The following ANKRD6 variants were observed in gnomAD, a reference collection of about 807,000 sequenced individuals.
The protein encoded by ANKRD6 is ankyrin repeat domain-containing protein 6.
Under a neutral mutation model 82.3 loss-of-function variants are expected in ANKRD6, and 56 were observed. The ratio of observed to expected loss-of-function variants is 0.68; its 90% CI spans 0.55 to 0.85. ANKRD6 has a LOEUF of 0.85. Ranked by LOEUF, ANKRD6 falls within the 40% of genes least tolerant of loss-of-function variation. The pLI is 0.00. For synonymous variants in ANKRD6, 347 were observed against 352.1 expected (o/e 0.99, Z 0.16); for missense variants, 852 against 907.6 (o/e 0.94, Z 0.79).
chr6:89,500,972 C>CTT lies in ANKRD6; in HGVS notation c.-143-65843_-143-65842dup, dbSNP rs35877637. On this transcript the variant is annotated intron_variant, in intron 1 of 15. Coordinates refer to ENST00000339746, the MANE Select transcript of ANKRD6 (RefSeq NM_001242809.2). ...CAGAAGAGGACTGTCCCCAATTAGT[C>CTT]TTTTTTTTTTTTTTTTTTTTCTAGC... Among the ~76,000 whole-genome samples the CTT allele has an allele frequency of 2.7e-3, 328 of 121,800 alleles. 4 individuals are homozygous for CTT. Among genetic ancestry groups the CTT allele is most frequent in the African/African-American group, 7.0e-3 (230 of 32,986 alleles). The allele number at this position is 121,800 out of a possible 152,430, so 79.9% of individuals were successfully genotyped here.
rs112285403 is a variant in ANKRD6, at chr6:89,596,227, G to A, written c.219+213G>A. ...GCAAGTTAGAGTTTGGGAGTGTGGG[G>A]TGGTTCTCCATCATGGTTCACTTCC... On this transcript the variant is annotated intron_variant, in intron 3 of 15. Coordinates refer to ENST00000339746, the MANE Select transcript of ANKRD6 (RefSeq NM_001242809.2). Among the ~76,000 whole-genome samples the A allele has an allele frequency of 3.8e-3, 571 of 152,186 alleles. 1 individual carries two copies. Among genetic ancestry groups the A allele is most frequent in the Admixed American group, 6.3e-3 (96 of 15,296 alleles).
chr6:89,528,539 T>C (rs1562728208), intron 1 of ANKRD6, among the ~76,000 whole-genome samples: 1 of 152,226 alleles, frequency 6.6e-6, no homozygotes, highest in African/African-American at 2.4e-5. Context: ...CTCAAAGTAA[T>C]CCATGAGGGT....
Position 89,623,442 on chromosome 6 carries a change from T to G in ANKRD6, c.930T>G (p.Ser310Arg), listed in dbSNP as rs201644644. The G allele has an allele frequency of 1.2e-6, 2 of 1,611,510 alleles. No homozygotes were observed. Among genetic ancestry groups the G allele is most frequent in the Non-Finnish European group, 1.7e-6 (2 of 1,178,856 alleles). Residue 310 changes from serine to arginine, a missense_variant, in exon 11 of 16, where the codon AGT becomes AGG. Transcript: ENST00000339746. ...GSVSAGDTPS[S>R]EQAVARKEEA... is the part of the protein sequence containing the mutation. ...TCTCAGCAGGAGACACCCCCAGCAG[T>G]GAACAGGCTGTGGCCAGAAAAGAAG...
intron 1 of ANKRD6, among the ~76,000 whole-genome samples, chr6:89,488,024 G>A (rs1053647241): frequency 3.9e-5 from 6 of 152,198 alleles, no homozygotes; most frequent in African/African-American, 1.2e-4. Context: ...TGTAACCTTT[G>A]TTACTTGATA....
In ANKRD6 at chr6:89,488,485, A is replaced by T. The variant is rs933154620; in HGVS notation, c.-144+55110A>T. Among the ~76,000 whole-genome samples the T allele has an allele frequency of 3.3e-5, 5 of 152,304 alleles. No homozygotes were observed. In the South Asian group the frequency reaches 1.0e-3, roughly 32 times the overall value. ...AAACAAACCACATGACAGTGCAATT[A>T]TGAGGGAGGCATCCAGCTGATCTCA... On this transcript the variant is annotated intron_variant, in intron 1 of 15. Transcript: ENST00000339746.
At chr6:89,517,309 C>G (rs1045744911) in intron 1 of ANKRD6, among the ~76,000 whole-genome samples, 1 of 152,128 alleles carries the variant, frequency 6.6e-6, no homozygotes, top group African/African-American at 2.4e-5. Context: ...TGCATTGTTT[C>G]TAGATTTTAA....
chr6:89,590,402 G>A (rs2128138561), intron 2 of ANKRD6, among the ~76,000 whole-genome samples: 1 of 152,276 alleles, frequency 6.6e-6, no homozygotes, highest in Admixed American at 6.5e-5. Flanking sequence ...AAAACTGCCT[G>A]GGCCTCACCA....
At chr6:89,529,982 G>A (rs1478130530) in intron 1 of ANKRD6, among the ~76,000 whole-genome samples, 1 of 152,186 alleles carries the variant, frequency 6.6e-6, no homozygotes, top group Non-Finnish European at 1.5e-5. Flanking sequence ...GGCTGGGCAT[G>A]GTGGTTCACG....
chr6:89,548,652 T>A (rs1785415574), intron 1 of ANKRD6, among the ~76,000 whole-genome samples: 1 of 152,226 alleles, frequency 6.6e-6, no homozygotes, highest in Non-Finnish European at 1.5e-5. Context: ...AAGGCAATTT[T>A]TAAGGCAGTG....
chr6:89,439,148 G>A (rs1376965694), intron 1 of ANKRD6, among the ~76,000 whole-genome samples: 1 of 152,080 alleles, frequency 6.6e-6, no homozygotes, highest in Non-Finnish European at 1.5e-5. Context: ...ATTTATTAGG[G>A]AATGAAGCAT....
At chr6:89,505,917 G>C (rs1234692663) in intron 1 of ANKRD6, among the ~76,000 whole-genome samples, 1 of 152,170 alleles carries the variant, frequency 6.6e-6, no homozygotes, top group Non-Finnish European at 1.5e-5. Flanking sequence ...GCGAAAACAT[G>C]CGTGAACCTG....
intron 1 of ANKRD6, among the ~76,000 whole-genome samples, chr6:89,549,906 G>T (rs1785593572): frequency 1.4e-5 from 2 of 147,470 alleles, no homozygotes; most frequent in Admixed American, 6.8e-5. Context: ...TGAGACCTGT[G>T]TCTCTTTAAA....
chr6:89,582,840 G>T (rs1792872296), intron 2 of ANKRD6, among the ~76,000 whole-genome samples: 1 of 152,168 alleles, frequency 6.6e-6, no homozygotes, highest in Non-Finnish European at 1.5e-5. Context: ...TTACCTCAAG[G>T]ATATGTGGTG....
At chr6:89,560,925 A>C (rs1366770902) in intron 1 of ANKRD6, 3 of 152,246 alleles carry the variant, frequency 2.0e-5, no homozygotes, top group Non-Finnish European at 2.9e-5. Flanking sequence ...CAGAGATAAC[A>C]CTTGGTCTGA....
intron 1 of ANKRD6, among the ~76,000 whole-genome samples, chr6:89,507,427 A>C (rs1352302560): frequency 1.3e-5 from 2 of 152,234 alleles, no homozygotes; most frequent in Non-Finnish European, 2.9e-5. Context: ...ATTTCTCTGG[A>C]GTGCAGAATT....
intron 1 of ANKRD6, among the ~76,000 whole-genome samples, chr6:89,500,797 T>C (rs1328437613): frequency 6.6e-6 from 1 of 152,184 alleles, no homozygotes; most frequent in East Asian, 1.9e-4. Context: ...ATAGATGAGC[T>C]AGCATCCAGG....
At chr6:89,474,768 G>A (rs1367591539) in intron 1 of ANKRD6, among the ~76,000 whole-genome samples, 1 of 152,176 alleles carries the variant, frequency 6.6e-6, no homozygotes, top group East Asian at 1.9e-4. Flanking sequence ...TGCACTGGAT[G>A]TAGTCCAGTG....
intron 13 of ANKRD6, among the ~76,000 whole-genome samples, chr6:89,626,886 G>A (rs1805861966): frequency 6.6e-6 from 1 of 152,192 alleles, no homozygotes; most frequent in East Asian, 1.9e-4. Flanking sequence ...TACTTCCAAT[G>A]AAGCACCAAA....
At chr6:89,521,317 G>A (rs184552449) in intron 1 of ANKRD6, among the ~76,000 whole-genome samples, 1 of 152,238 alleles carries the variant, frequency 6.6e-6, no homozygotes, top group East Asian at 1.9e-4. Flanking sequence ...GTCAGGGAAG[G>A]CCTCTCTGGG....
Sources: gnomAD v4.1 joint callset for allele counts (sites outside exome capture counted in the v4.1 genomes callset) on GRCh38, gnomAD v4.1.1 for gene constraint, MANE v1.5 for transcripts, NCBI Gene and HGNC (gene_info 2026-07-23, HGNC 2026-07-21) for gene names.